Variants in CCK observed in about 807,000 individuals in gnomAD.
CCK encodes cholecystokinin, also known as cholecystokinin triacontatriapeptide.
A neutral mutation model predicts 10.1 loss-of-function variants in CCK; 11 were observed. The observed-to-expected ratio is 1.09, with a 90% CI of 0.69 to 1.81. The LOEUF is 1.81. CCK is among the 40% of genes most tolerant of loss of function. CCK has a pLI of 0.00. For missense variants in CCK, 137 were observed against 159.9 expected, an observed-to-expected ratio of 0.86 and a Z score of 0.77; for synonymous variants, 83 against 71.9, an observed-to-expected ratio of 1.15 and a Z score of -0.78.
intron 4 of CCK, among the ~76,000 whole-genome samples, chr3:42,261,387 C>T (rs924851873): frequency 2.0e-5 from 3 of 152,114 alleles, no homozygotes; most frequent in Non-Finnish European, 4.4e-5. Context: ...ATGTTTGTCA[C>T]ATAGAAGAGT....
rs545735073 is a variant in CCK, at chr3:42,257,879, A to T, written c.*219T>A. 58 of 509,498 alleles carry T rather than the reference A, an allele frequency of 1.1e-4. No individual in the cohort carries two copies. Among genetic ancestry groups the T allele is most frequent in the Non-Finnish European group, 2.0e-4 (57 of 290,948 alleles). The allele number at this position is 509,498 out of a possible 1,614,324, so 31.6% of individuals were successfully genotyped here. A position where few individuals can be genotyped will look rare whatever the true frequency, so the allele number is the denominator to read the frequency against. On this transcript the variant is annotated 3_prime_UTR_variant, in exon 5 of 5. Coordinates refer to ENST00000396169, the MANE Select transcript of CCK (RefSeq NM_000729.6). ...AACATTTTCAGACCAGGAGTCACAG[A>T]TGAAGAAAACATTTTGTCTTCCATT... is the stretch of plus-strand genomic sequence containing the variant.
Position 42,258,069 on chromosome 3 carries a change from T to A in CCK, c.*29A>T. 2.5e-6 allele frequency: 4 copies of A among 1,593,676 alleles called. No homozygotes were observed. The highest frequency in any genetic ancestry group is 3.4e-6 in the Non-Finnish European group (4 of 1,171,570). On this transcript the variant is annotated 3_prime_UTR_variant, in exon 5 of 5. Coordinates refer to ENST00000396169, the MANE Select transcript of CCK (RefSeq NM_000729.6). ...GCCTCCTCTGGGTTGGGAGGTTGCT[T>A]CCCGTTGGGCTGATGGCGGCTGGGT...
At chr3:42,259,058 T>C (rs1211983427) in intron 4 of CCK, among the ~76,000 whole-genome samples, 2 of 152,170 alleles carry the variant, frequency 1.3e-5, no homozygotes, top group African/African-American at 4.8e-5. Context: ...TGCAGGGACA[T>C]GGATGAAGCT....
chr3:42,263,805 G>T, intron 3 of CCK, 173 bp from the exon 4 acceptor site: 1 of 1,184,734 alleles, frequency 8.4e-7, no homozygotes, highest in Non-Finnish European at 1.1e-6. Context: ...GTGCCATGGC[G>T]CGCGCCCCCG....
Position 42,259,527 on chromosome 3 carries a change from G to A in CCK, c.215-1296C>T, listed in dbSNP as rs571224724. 1.8e-4 allele frequency among the ~76,000 whole-genome samples: 27 copies of A among 152,062 alleles called. No homozygotes were observed. The South Asian group carries it at 2.3e-3, about 13-fold the overall frequency. ...AAATGATATTCAGAAAAAGACTGTC[G>A]GATTAAATCTTGGCACCTCAGTAAG... On this transcript the variant is annotated intron_variant, in intron 4 of 4. Transcript: ENST00000396169.
rs781388265 is a variant in CCK at position 42,258,209 on chromosome 3, G to A, written c.237C>T (p.Ile79=). 3 of 1,613,924 alleles carry A rather than the reference G, an allele frequency of 1.9e-6. No homozygotes were observed. Among genetic ancestry groups the A allele is most frequent in the Non-Finnish European group, 2.5e-6 (3 of 1,180,006 alleles). The part of the protein sequence containing the change: ...ARKAPSGRMS[I]VKNLQNLDPS... ...GGTCCAGGTTCTGCAGGTTCTTAAC[G>A]ATGGACATTCGTCCAGAAGGAGCTA... Residue 79 remains isoleucine, a synonymous_variant, in exon 5 of 5, where the codon ATC becomes ATT. Transcript: ENST00000396169.
chr3:42,264,430 A>G (rs1711259489), intron 3 of CCK, among the ~76,000 whole-genome samples: 1 of 152,226 alleles, frequency 6.6e-6, no homozygotes, highest in Non-Finnish European at 1.5e-5. Context: ...CAGCTAGCAA[A>G]CTCAATCTGC....
At position 42,261,080 on chromosome 3, in the gene CCK, T is replaced by C. The variant is rs560624327; in HGVS notation, c.214+2337A>G. On this transcript the variant is annotated intron_variant, in intron 4 of 4. Coordinates refer to ENST00000396169, the MANE Select transcript of CCK (RefSeq NM_000729.6). ...TGTAGCATTGAAGCTTTGCTGGGCA[T>C]GGGGGAGGCGCACACTAAATGCCTC... Among the ~76,000 whole-genome samples the C allele has an allele frequency of 1.8e-4, 27 of 152,264 alleles. No homozygotes were observed. The South Asian group carries it at 2.1e-3, about 12-fold the overall frequency.
At chr3:42,259,029 A>G (rs1711176441) in intron 4 of CCK, among the ~76,000 whole-genome samples, 2 of 152,368 alleles carry the variant, frequency 1.3e-5, no homozygotes, top group South Asian at 2.1e-4. Flanking sequence ...AGCCATAAAA[A>G]GGATGCGTTC....
At position 42,263,561 on chromosome 3, in the gene CCK, G is replaced by A. The variant is rs1282910636; in HGVS notation, c.70C>T (p.Pro24Ser). The A allele has an allele frequency of 2.5e-6, 4 of 1,609,226 alleles. No individual in the cohort carries two copies. The highest frequency in any genetic ancestry group is 3.4e-6 in the Non-Finnish European group (4 of 1,178,144). The change falls in exon 4 of 5, where the codon CCT becomes TCT. Residue 24 changes from proline to serine, a missense_variant. Transcript: ENST00000396169. ...CCGGAGCCCGCGGGATCTGCGGGAG[G>A]CACCGGCTGCGTCAGGGCGCCAGCC... ...LAAGALTQPV[P>S]PADPAGSGLQ...
At chr3:42,260,452 G>A (rs570360634) in intron 4 of CCK, among the ~76,000 whole-genome samples, 20 of 152,296 alleles carry the variant, frequency 1.3e-4, no homozygotes, top group Middle Eastern at 3.4e-3. Context: ...TCAGTTAACG[G>A]TGGGGGCACC....
chr3:42,262,477 C>T (rs1016914141), intron 4 of CCK, among the ~76,000 whole-genome samples: 5 of 152,154 alleles, frequency 3.3e-5, no homozygotes, highest in African/African-American at 7.2e-5. Context: ...GCCTCAGCCC[C>T]CCAAAGTGCT....
intron 3 of CCK, 196 bp from the exon 4 acceptor site, chr3:42,263,828 T>A: frequency 1.1e-6 from 1 of 878,158 alleles, no homozygotes; most frequent in Non-Finnish European, 1.6e-6. Context: ...CGCACCTGGC[T>A]GGTCTTTGGG....
rs929173084 is a variant in CCK at position 42,265,288 on chromosome 3, G to C, written c.-233C>G. The C allele has an allele frequency of 2.0e-5, 3 of 152,266 alleles. No individual in the cohort carries two copies. The highest frequency in any genetic ancestry group is 2.9e-5 in the Non-Finnish European group (2 of 68,110). The allele number at this position is 152,266 out of a possible 1,614,324, so 9.4% of individuals were successfully genotyped here. ...TCATACCTGTGTCGGCTCTTTCGAA[G>C]GAGAGAGGAGGAGTCGGGGTCTTCA... is the stretch of plus-strand genomic sequence containing the variant. On this transcript the variant is annotated 5_prime_UTR_variant, in exon 2 of 5. Transcript: ENST00000396169.
intron 4 of CCK, among the ~76,000 whole-genome samples, chr3:42,260,581 T>C (rs566602621): frequency 5.3e-5 from 8 of 152,302 alleles, no homozygotes; most frequent in African/African-American, 1.7e-4. Flanking sequence ...AGTGCTGACA[T>C]AGAGTAGGGG....
rs1211641218 is a variant in CCK at position 42,263,631 on chromosome 3, G to A, written c.-1C>T. The A allele has an allele frequency of 6.4e-7, 1 of 1,571,226 alleles. No individual in the cohort carries two copies. The highest frequency in any genetic ancestry group is 2.3e-5 in the East Asian group (1 of 43,720). On this transcript the variant is annotated splice_region_variant and 5_prime_UTR_variant, in exon 4 of 5. Coordinates refer to ENST00000396169, the MANE Select transcript of CCK (RefSeq NM_000729.6). ...CGCACAGGCACACGCCGCTGTTCAT[G>A]GCTGTAGCGAGCAAAGGAGGAGGGC... is the stretch of plus-strand genomic sequence containing the variant.
rs766599534 is a variant in CCK, at chr3:42,263,638, G to C, written c.-2-6C>G. On this transcript the variant is annotated splice_region_variant and splice_polypyrimidine_tract_variant and intron_variant, in intron 3 of 4. Coordinates refer to ENST00000396169, the MANE Select transcript of CCK (RefSeq NM_000729.6). ...GCACACGCCGCTGTTCATGGCTGTA[G>C]CGAGCAAAGGAGGAGGGCGCGTTAA... 1.9e-6 allele frequency: 3 copies of C among 1,549,692 alleles called. No homozygotes were observed. In the South Asian group the frequency reaches 3.6e-5, roughly 19 times the overall value.
chr3:42,260,430 G>A (rs1045959963), intron 4 of CCK, among the ~76,000 whole-genome samples: 1 of 152,126 alleles, frequency 6.6e-6, no homozygotes, highest in African/African-American at 2.4e-5. Context: ...GCTTCAATAC[G>A]AGCAAGCAGC....
chr3:42,263,124 C>T (rs1711238754), intron 4 of CCK: 4 of 508,846 alleles, frequency 7.9e-6, no homozygotes, highest in South Asian at 4.1e-5. Flanking sequence ...TCTAGGAACC[C>T]TTTCCTAGGC....
Sources: allele counts gnomAD v4.1 joint callset (sites outside exome capture counted in the v4.1 genomes callset), GRCh38; gene constraint gnomAD v4.1.1; transcripts MANE v1.5; gene names NCBI Gene and HGNC (gene_info 2026-07-23, HGNC 2026-07-21).